Variants in EEFSEC observed in about 807,000 individuals in gnomAD.
EEFSEC encodes selenocysteine-specific elongation factor.
A neutral mutation model predicts 42.1 loss-of-function variants in EEFSEC; 43 were observed. That is an observed-to-expected ratio of 1.02 (90% CI 0.80 to 1.32). The LOEUF is 1.32. Among genes scored for constraint, EEFSEC ranks in the 40% most tolerant of loss-of-function variants. The pLI is 0.00. For missense variants in EEFSEC, 745 were observed against 803.6 expected, an observed-to-expected ratio of 0.93 and a Z score of 0.88; for synonymous variants, 354 against 339.1, an observed-to-expected ratio of 1.04 and a Z score of -0.48.
At chr3:128,413,521 CT>C (rs1186221646), downstream of EEFSEC, among the ~76,000 whole-genome samples, 2 of 152,182 alleles carry the variant, frequency 1.3e-5, no homozygotes, top group Non-Finnish European at 2.9e-5. Flanking sequence ...CCCCGAACCC[CT>C]GGCCCACCCA....
intron 1 of EEFSEC, among the ~76,000 whole-genome samples, chr3:128,164,063 C>T (rs1479395568): frequency 1.3e-5 from 2 of 152,126 alleles, no homozygotes; most frequent in Non-Finnish European, 2.9e-5. Context: ...CAGGCTGCCT[C>T]CTCTTTCTGT....
At chr3:128,365,009 A>G (rs1247435398) in intron 6 of EEFSEC, among the ~76,000 whole-genome samples, 1 of 152,224 alleles carries the variant, frequency 6.6e-6, no homozygotes, top group African/African-American at 2.4e-5. Context: ...CAGCCCTGCC[A>G]GCTGGCTCTG....
chr3:128,246,602 G>A (rs575500144), intron 1 of EEFSEC, among the ~76,000 whole-genome samples: 2 of 152,330 alleles, frequency 1.3e-5, no homozygotes, highest in Non-Finnish European at 2.9e-5. Flanking sequence ...TTAGCAGTGC[G>A]ATCCTGGGCA....
At chr3:128,273,578 A>C (rs929650716) in intron 4 of EEFSEC, among the ~76,000 whole-genome samples, 1 of 152,214 alleles carries the variant, frequency 6.6e-6, no homozygotes, top group Non-Finnish European at 1.5e-5. Flanking sequence ...TGCTACCAGC[A>C]TGTGCTTCCA....
At chr3:128,302,976 CT>C (rs985470383) in intron 4 of EEFSEC, among the ~76,000 whole-genome samples, 1 of 151,960 alleles carries the variant, frequency 6.6e-6, no homozygotes, top group Non-Finnish European at 1.5e-5. Flanking sequence ...GGACTGTTGC[CT>C]TTTAAAAAAA....
chr3:128,242,769 A>G (rs1197215330), intron 1 of EEFSEC, among the ~76,000 whole-genome samples: 1 of 152,214 alleles, frequency 6.6e-6, no homozygotes, highest in African/African-American at 2.4e-5. Flanking sequence ...TTATTCTGCA[A>G]ATCTTTTAAG....
intron 1 of EEFSEC, 68 bp from the exon 2 acceptor site, chr3:128,246,768 C>A: frequency 6.5e-7 from 1 of 1,542,116 alleles, no homozygotes; most frequent in Non-Finnish European, 8.9e-7. Context: ...TGACCTGGGG[C>A]ATTGGGCAAC....
At chr3:128,381,759 A>G (rs561492802) in intron 6 of EEFSEC, among the ~76,000 whole-genome samples, 26 of 152,192 alleles carry the variant, frequency 1.7e-4, no homozygotes, top group Non-Finnish European at 3.5e-4. Context: ...TGGGGCCTGC[A>G]GGAAATGCAG....
rs558009859 is a variant in EEFSEC, at chr3:128,212,471, C to G, written c.317-34365C>G. ...AGAGGGCTCTTGTTGGACTCAGAGC[C>G]CTGCTTTTGATCTTCACCTCAGGAA... is the stretch of plus-strand genomic sequence containing the variant. On this transcript the variant is annotated intron_variant, in intron 1 of 6. Transcript: ENST00000254730. 3.0e-3 allele frequency among the ~76,000 whole-genome samples: 452 copies of G among 152,264 alleles called. 7 individuals are homozygous for G. Among genetic ancestry groups the G allele is most frequent in the African/African-American group, 0.011 (440 of 41,538 alleles).
chr3:128,172,546 G>T (rs2065309692), intron 1 of EEFSEC, among the ~76,000 whole-genome samples: 1 of 152,190 alleles, frequency 6.6e-6, no homozygotes, highest in Non-Finnish European at 1.5e-5. Flanking sequence ...TGATCCTCCT[G>T]CTTTGACTGC....
At chr3:128,421,360 G>A in the EEFSEC span, among the ~76,000 whole-genome samples, 2 of 152,336 alleles carry the variant, frequency 1.3e-5, no homozygotes, top group Admixed American at 1.3e-4. Flanking sequence ...TGTGAACAGG[G>A]GGGTCAGGAG....
At position 128,293,673 on chromosome 3, in the gene EEFSEC, A is replaced by ACAAAAC. The variant is rs1206907932; in HGVS notation, c.786+28892_786+28893insCAAAAC. On this transcript the variant is annotated intron_variant, in intron 4 of 6. Transcript: ENST00000254730. ...AAGACTCTATCTCAAAAAAAAAAAA[A>ACAAAAC]AAAAAAAAAAAAAACTTCCCTTATA... is the stretch of plus-strand genomic sequence containing the variant. Among the ~76,000 whole-genome samples, 12 of 9,612 alleles carry ACAAAAC rather than the reference A, an allele frequency of 1.2e-3. 1 individual carries two copies. The highest frequency in any genetic ancestry group is 2.5e-3 in the Non-Finnish European group (6 of 2,384). 6.3% of individuals were successfully genotyped at this position (9,612 alleles called of 152,430 possible).
intron 6 of EEFSEC, among the ~76,000 whole-genome samples, chr3:128,391,273 C>CA (rs1050580411): frequency 6.6e-6 from 1 of 152,244 alleles, no homozygotes; most frequent in African/African-American, 2.4e-5. Context: ...TCATTAATTC[C>CA]AAAAGGCAAG....
intron 4 of EEFSEC, among the ~76,000 whole-genome samples, chr3:128,287,970 C>T (rs112246868): frequency 1.3e-4 from 20 of 151,030 alleles, no homozygotes; most frequent in Admixed American, 1.2e-3. Context: ...CCGCCCCCCC[C>T]AAAAAACTCT....
intron 4 of EEFSEC, among the ~76,000 whole-genome samples, chr3:128,277,585 G>C (rs1268412189): frequency 1.3e-5 from 2 of 152,244 alleles, no homozygotes; most frequent in Non-Finnish European, 2.9e-5. Flanking sequence ...TGGCTCCCCT[G>C]CCCTCCTGGG....
At position 128,153,569 on chromosome 3, in the gene EEFSEC, C is replaced by CGGCGCT. The variant is rs1015354110; in HGVS notation, c.68_73dup (p.Leu23_Ala24dup). On this transcript the variant is annotated inframe_insertion, in exon 1 of 7. Transcript: ENST00000254730. ...CTGGGCCACATCGACAGCGGCAAGA[C>CGGCGCT]GGCGCTGGCGCGGGCGCTAAGCACC... 2.6e-6 allele frequency: 4 copies of CGGCGCT among 1,540,988 alleles called. No individual in the cohort carries two copies. The South Asian group carries it at 3.6e-5, about 14-fold the overall frequency.
chr3:128,404,295 G>C (rs528225835), intron 6 of EEFSEC, among the ~76,000 whole-genome samples: 1 of 152,340 alleles, frequency 6.6e-6, no homozygotes, highest in South Asian at 2.1e-4. Flanking sequence ...AGAGGTAAAC[G>C]AGCCTGACCA....
At chr3:128,201,007 C>G (rs1380250424) in intron 1 of EEFSEC, among the ~76,000 whole-genome samples, 1 of 152,158 alleles carries the variant, frequency 6.6e-6, no homozygotes, top group Non-Finnish European at 1.5e-5. Flanking sequence ...TTGAGTTGGT[C>G]ACAGTCCCCA....
chr3:128,419,850 C>G, the EEFSEC span, among the ~76,000 whole-genome samples: 1 of 152,196 alleles, frequency 6.6e-6, no homozygotes, highest in East Asian at 1.9e-4. Context: ...AGCCGTAGCT[C>G]TGGGGCCAGA....
Sources: gnomAD v4.1 joint callset for allele counts (sites outside exome capture counted in the v4.1 genomes callset) on GRCh38, gnomAD v4.1.1 for gene constraint, MANE v1.5 for transcripts, NCBI Gene and HGNC (gene_info 2026-07-23, HGNC 2026-07-21) for gene names.